Variants in CACHD1 observed in about 807,000 individuals in gnomAD.
The protein encoded by CACHD1 is cache domain containing 1, also known as VWFA and cache domain-containing protein 1.
In CACHD1, 71 loss-of-function variants were observed where a neutral mutation model predicts 138.7. That is an observed-to-expected ratio of 0.51 (90% confidence interval 0.42 to 0.62). The LOEUF (loss-of-function observed/expected upper bound fraction) is 0.62, where lower values mean the gene tolerates loss of function less well. CACHD1 is among the 20% of genes least tolerant of loss of function. The probability of loss-of-function intolerance (pLI) is 0.00; values close to 1 mark genes in which losing one functional copy is unlikely to be tolerated. For missense variants in CACHD1, 1,389 were observed against 1,625.3 expected, an observed-to-expected ratio of 0.85 and a Z score of 2.50; for synonymous variants, 578 against 591.5, an observed-to-expected ratio of 0.98 and a Z score of 0.33.
At chr1:64,620,451 A>T (rs1439538099) in intron 4 of CACHD1, among the ~76,000 whole-genome samples, 1 of 152,222 alleles carries the variant, frequency 6.6e-6, no homozygotes, top group Non-Finnish European at 1.5e-5. Context: ...GGGTTCACAG[A>T]TAGAATTAAG....
intron 3 of CACHD1, among the ~76,000 whole-genome samples, chr1:64,586,725 G>GT (rs200931556): frequency 1.9e-4 from 28 of 151,206 alleles, no homozygotes; most frequent in East Asian, 1.4e-3. Context: ...TATGTCAACA[G>GT]TTTTTTTTTC....
At chr1:64,657,767 C>T (rs894607268) in intron 12 of CACHD1, among the ~76,000 whole-genome samples, 2 of 152,192 alleles carry the variant, frequency 1.3e-5, no homozygotes, top group Non-Finnish European at 2.9e-5. Context: ...AAGTAAGTCA[C>T]ATGAGCTGCT....
chr1:64,531,034 T>A (rs1243616522), intron 1 of CACHD1, among the ~76,000 whole-genome samples: 1 of 151,918 alleles, frequency 6.6e-6, no homozygotes, highest in Non-Finnish European at 1.5e-5. Context: ...AGGAAAACCT[T>A]ATTGGCAATG....
At chr1:64,646,961 T>TAGAG (rs1648926936) in intron 8 of CACHD1, among the ~76,000 whole-genome samples, 1 of 151,948 alleles carries the variant, frequency 6.6e-6, no homozygotes, top group African/African-American at 2.4e-5. Flanking sequence ...AAGGCAGTGG[T>TAGAG]AGAATCTCAG....
intron 4 of CACHD1, among the ~76,000 whole-genome samples, chr1:64,624,571 A>G (rs886779561): frequency 6.6e-6 from 1 of 152,106 alleles, no homozygotes; most frequent in Non-Finnish European, 1.5e-5. Context: ...ATGTTTACAC[A>G]CACTCATGTC....
chr1:64,682,675 G>A (rs949064930), intron 26 of CACHD1, among the ~76,000 whole-genome samples: 1 of 152,176 alleles, frequency 6.6e-6, no homozygotes, highest in Non-Finnish European at 1.5e-5. Flanking sequence ...TGCTCAGGAA[G>A]GGTCAAGGCC....
intron 1 of CACHD1, among the ~76,000 whole-genome samples, chr1:64,548,006 T>C (rs1161659620): frequency 1.3e-5 from 2 of 152,196 alleles, no homozygotes; most frequent in East Asian, 3.8e-4. Context: ...ATATGAAGAA[T>C]ATAAAAATGC....
chr1:64,547,890 C>T (rs544527224), intron 1 of CACHD1, among the ~76,000 whole-genome samples: 118 of 152,274 alleles, frequency 7.7e-4, no homozygotes, highest in Middle Eastern at 6.8e-3. Context: ...CTTCTGGGAT[C>T]GATACGGGTT....
intron 1 of CACHD1, among the ~76,000 whole-genome samples, chr1:64,520,782 A>T (rs1371544627): frequency 6.6e-6 from 1 of 152,204 alleles, no homozygotes; most frequent in Non-Finnish European, 1.5e-5. Context: ...TTTACTGAGC[A>T]CGTAGCATGT....
chr1:64,560,297 A>AT (rs1427385857), intron 2 of CACHD1, among the ~76,000 whole-genome samples: 1 of 151,996 alleles, frequency 6.6e-6, no homozygotes, highest in Admixed American at 6.6e-5. Flanking sequence ...AGGTTGGAAC[A>AT]TTAGATCACT....
rs1650562207 is a variant in CACHD1 at position 64,691,601 on chromosome 1, T to C, written c.*40T>C. ...CCACGCCAAGATGAGATCTGGGAGCTACAGAATGTTCTGGAAAGAAAAAGA... is the reference window on the plus strand; with the variant it reads ...CCACGCCAAGATGAGATCTGGGAGCCACAGAATGTTCTGGAAAGAAAAAGA... On this transcript the variant is annotated 3_prime_UTR_variant, in exon 27 of 27. Coordinates refer to ENST00000651257, the MANE Select transcript of CACHD1 (RefSeq NM_020925.4). 1 of 1,566,838 alleles carries C rather than the reference T, an allele frequency of 6.4e-7. No individual in the cohort carries two copies. The highest frequency in any genetic ancestry group is 1.1e-5 in the South Asian group (1 of 90,000).
chr1:64,628,287 A>C (rs1461520900), intron 4 of CACHD1, among the ~76,000 whole-genome samples: 1 of 152,068 alleles, frequency 6.6e-6, no homozygotes, highest in Non-Finnish European at 1.5e-5. Flanking sequence ...TCTTCCCCCC[A>C]CTGAATTTCT....
chr1:64,479,649 C>G (rs1338791955), intron 1 of CACHD1, among the ~76,000 whole-genome samples: 1 of 152,190 alleles, frequency 6.6e-6, no homozygotes, highest in Non-Finnish European at 1.5e-5. Flanking sequence ...TCAACTCACA[C>G]TGGCAAGAAA....
At chr1:64,641,578 A>G (rs1482727198) in intron 7 of CACHD1, among the ~76,000 whole-genome samples, 1 of 152,186 alleles carries the variant, frequency 6.6e-6, no homozygotes, top group Admixed American at 6.5e-5. Context: ...CATCTGATAA[A>G]TATATTAGGA....
chr1:64,484,456 T>C (rs1464120081), intron 1 of CACHD1, among the ~76,000 whole-genome samples: 1 of 152,062 alleles, frequency 6.6e-6, no homozygotes, highest in Non-Finnish European at 1.5e-5. Flanking sequence ...AGGGAGGAAT[T>C]TGGGTTCTTA....
intron 2 of CACHD1, among the ~76,000 whole-genome samples, chr1:64,567,268 G>C (rs926575568): frequency 6.6e-6 from 1 of 151,756 alleles, no homozygotes; most frequent in Non-Finnish European, 1.5e-5. Context: ...TCATGCATTT[G>C]ATATTTCTTG....
Position 64,653,386 on chromosome 1 carries a change from TAAAA to T in CACHD1, c.1541-353_1541-350del, listed in dbSNP as rs60661882. On this transcript the variant is annotated intron_variant, in intron 10 of 26. Transcript: ENST00000651257. Reference sequence around the variant, plus strand: ...ATGTACCCCTGAAGTTAAAAGAAGTTAAAAAAAAAAAAAAAAAAAAAAGAAGAAT... The same window carrying T: ...ATGTACCCCTGAAGTTAAAAGAAGTTAAAAAAAAAAAAAAAAAAGAAGAAT... 9.9e-3 allele frequency among the ~76,000 whole-genome samples: 1,072 copies of T among 108,468 alleles called. 11 individuals are homozygous for T. Among genetic ancestry groups the T allele is most frequent in the African/African-American group, 0.028 (906 of 32,110 alleles). The allele number at this position is 108,468 out of a possible 152,430, so 71.2% of individuals were successfully genotyped here. A position where few individuals can be genotyped will look rare whatever the true frequency, so the allele number is the denominator to read the frequency against.
At chr1:64,531,491 G>A (rs950764359) in intron 1 of CACHD1, among the ~76,000 whole-genome samples, 4 of 94,766 alleles carry the variant, frequency 4.2e-5, no homozygotes, top group African/African-American at 1.6e-4. Flanking sequence ...TAGAATGAAT[G>A]TGGTTGTGTG....
rs530957884 is a variant in CACHD1, at chr1:64,537,627, T to C, written c.199-12967T>C. Among the ~76,000 whole-genome samples, 4 of 152,300 alleles carry C rather than the reference T, an allele frequency of 2.6e-5. No homozygotes were observed. In the East Asian group the frequency reaches 7.7e-4, roughly 29 times the overall value. Reference sequence around the variant, plus strand: ...CAAAAGTCTTGTCACTTCCGAAGGCTTCAGAAATGCTGATTTGGAGGAGTT... The same window carrying C: ...CAAAAGTCTTGTCACTTCCGAAGGCCTCAGAAATGCTGATTTGGAGGAGTT... On this transcript the variant is annotated intron_variant, in intron 1 of 26. Coordinates refer to ENST00000651257, the MANE Select transcript of CACHD1 (RefSeq NM_020925.4).
Sources: gnomAD v4.1 joint callset for allele counts (sites outside exome capture counted in the v4.1 genomes callset) on GRCh38, gnomAD v4.1.1 for gene constraint, MANE v1.5 for transcripts, NCBI Gene and HGNC (gene_info 2026-07-23, HGNC 2026-07-21) for gene names.